The following CLINT1 variants were observed in gnomAD, a reference collection of about 807,000 sequenced individuals.
CLINT1 encodes clathrin interacting protein localized in the trans-Golgi region.
A neutral mutation model predicts 70.4 loss-of-function variants in CLINT1; 15 were observed. The observed-to-expected ratio is 0.21, with a 90% CI of 0.14 to 0.33. The LOEUF (loss-of-function observed/expected upper bound fraction) is 0.33, where lower values mean the gene tolerates loss of function less well. Ranked by LOEUF, CLINT1 falls within the 10% of genes least tolerant of loss-of-function variation. The pLI is 1.00. For synonymous variants in CLINT1, 227 were observed against 254.7 expected (o/e 0.89, Z 1.04); for missense variants, 615 against 778.1 (o/e 0.79, Z 2.49).
chr5:157,809,727 T>C lies in CLINT1; in HGVS notation c.596A>G (p.Asp199Gly). ...TTTATCACTCAGCTCACCTAATTTA[T>C]CACTGAATGGAAAAGCACTCTTGTT... ...DKNKSAFPFS[D>G]KLGELSDKIG... The change falls in exon 6 of 12, where the codon GAT (aspartate) becomes GGT (glycine). Residue 199 changes from aspartate to glycine, a missense_variant. Asp to Gly is a moderately conservative substitution (Grantham distance 94). Coordinates refer to ENST00000411809, the MANE Select transcript of CLINT1 (RefSeq NM_014666.4). 6.2e-7 allele frequency: 1 copy of C among 1,613,648 alleles called. No individual in the cohort carries two copies. Among genetic ancestry groups the C allele is most frequent in the Non-Finnish European group, 8.5e-7 (1 of 1,179,692 alleles).
At chr5:157,848,419 T>TA (rs1349677820) in intron 1 of CLINT1, among the ~76,000 whole-genome samples, 2 of 151,872 alleles carry the variant, frequency 1.3e-5, no homozygotes, top group African/African-American at 4.8e-5. Flanking sequence ...TTTTTTTTTT[T>TA]ATTGAGACGC....
chr5:157,823,706 T>C (rs1044315426), intron 1 of CLINT1: 5 of 628,044 alleles, frequency 8.0e-6, no homozygotes, highest in South Asian at 1.4e-4. Flanking sequence ...TTATTAAGTA[T>C]AAATCTTCTT....
intron 3 of CLINT1, among the ~76,000 whole-genome samples, chr5:157,816,319 T>C (rs1369045079): frequency 1.3e-5 from 2 of 152,214 alleles, no homozygotes; most frequent in South Asian, 2.1e-4. Context: ...ATTAGAATTA[T>C]ATTTTGAACA....
chr5:157,811,529 C>CA lies in CLINT1; in HGVS notation c.517+1533dup, dbSNP rs202176248. 4.3e-3 allele frequency among the ~76,000 whole-genome samples: 409 copies of CA among 94,872 alleles called. 1 individual carries two copies. The highest frequency in any genetic ancestry group is 6.3e-3 in the Middle Eastern group (1 of 158). 62.2% of individuals were successfully genotyped at this position (94,872 alleles called of 152,430 possible). On this transcript the variant is annotated intron_variant, in intron 5 of 11. Coordinates refer to ENST00000411809, the MANE Select transcript of CLINT1 (RefSeq NM_014666.4). Reference sequence around the variant, plus strand: ...GCCTGGATGACAGAGCAAGAATCCTCAAAAAAAAAAAAAAAGAAAAGAAAA... The same window carrying CA: ...GCCTGGATGACAGAGCAAGAATCCTCAAAAAAAAAAAAAAAAGAAAAGAAAA...
At chr5:157,803,128 A>C (rs1360955803) in intron 8 of CLINT1, among the ~76,000 whole-genome samples, 1 of 152,234 alleles carries the variant, frequency 6.6e-6, no homozygotes, top group African/African-American at 2.4e-5. Context: ...AAAGACAGTA[A>C]AATGCGCAGA....
chr5:157,838,267 C>G (rs1484191754), intron 1 of CLINT1, among the ~76,000 whole-genome samples: 1 of 151,928 alleles, frequency 6.6e-6, no homozygotes, highest in Non-Finnish European at 1.5e-5. Flanking sequence ...GGATTGCAGG[C>G]ACCTGCCACC....
chr5:157,837,563 A>G (rs1763467225), intron 1 of CLINT1, among the ~76,000 whole-genome samples: 1 of 152,332 alleles, frequency 6.6e-6, no homozygotes, highest in Non-Finnish European at 1.5e-5. Context: ...TACTCCTTAT[A>G]ATATCTGAAG....
At chr5:157,846,354 T>A (rs1237664262) in intron 1 of CLINT1, among the ~76,000 whole-genome samples, 1 of 151,194 alleles carries the variant, frequency 6.6e-6, no homozygotes. Context: ...AAAGTTTGAG[T>A]GGTTTGAATA....
chr5:157,794,034 A>G (rs1353001171), intron 9 of CLINT1, among the ~76,000 whole-genome samples: 1 of 152,168 alleles, frequency 6.6e-6, no homozygotes, highest in Non-Finnish European at 1.5e-5. Context: ...AGATTTTATA[A>G]AACAAATACC....
chr5:157,820,785 G>C (rs1169047338), intron 1 of CLINT1, among the ~76,000 whole-genome samples: 1 of 152,108 alleles, frequency 6.6e-6, no homozygotes, highest in Non-Finnish European at 1.5e-5. Flanking sequence ...AAAATGGCTA[G>C]TTTAATTCTG....
chr5:157,835,758 T>C (rs1185138965), intron 1 of CLINT1, among the ~76,000 whole-genome samples: 1 of 152,160 alleles, frequency 6.6e-6, no homozygotes, highest in Non-Finnish European at 1.5e-5. Context: ...GGGGCATGAC[T>C]AGAAAGACTT....
intron 5 of CLINT1, among the ~76,000 whole-genome samples, chr5:157,810,422 A>G (rs1762519480): frequency 6.6e-6 from 1 of 152,244 alleles, no homozygotes; most frequent in Non-Finnish European, 1.5e-5. Context: ...ACCAAAAACT[A>G]CACATACTAG....
intron 10 of CLINT1, 88 bp from the exon 11 acceptor site, chr5:157,789,601 A>G: frequency 6.4e-7 from 1 of 1,564,298 alleles, no homozygotes; most frequent in South Asian, 1.1e-5. Flanking sequence ...AAAATTAAGC[A>G]TCTGTTCTAT....
At chr5:157,830,403 C>T (rs550437557) in intron 1 of CLINT1, among the ~76,000 whole-genome samples, 3 of 152,008 alleles carry the variant, frequency 2.0e-5, no homozygotes, top group African/African-American at 4.8e-5. Context: ...AGGTAGCTTT[C>T]GGCCTCTTAT....
chr5:157,801,198 G>T (rs1301307902), intron 8 of CLINT1, among the ~76,000 whole-genome samples: 6 of 152,100 alleles, frequency 3.9e-5, no homozygotes, highest in Non-Finnish European at 1.5e-5. Flanking sequence ...ACGGGAAAGG[G>T]AATTGAAGAA....
intron 1 of CLINT1, among the ~76,000 whole-genome samples, chr5:157,856,107 T>C (rs1753751833): frequency 6.6e-6 from 1 of 152,236 alleles, no homozygotes; most frequent in Non-Finnish European, 1.5e-5. Flanking sequence ...GTCTTATTTA[T>C]TGCATAAAAT....
chr5:157,853,904 C>T (rs1429848703), intron 1 of CLINT1, among the ~76,000 whole-genome samples: 1 of 149,418 alleles, frequency 6.7e-6, no homozygotes, highest in African/African-American at 2.5e-5. Flanking sequence ...ATAGATTAAA[C>T]TACAGAAAAT....
intron 1 of CLINT1, among the ~76,000 whole-genome samples, chr5:157,840,278 T>C (rs939268560): frequency 1.3e-5 from 2 of 148,256 alleles, no homozygotes; most frequent in African/African-American, 4.9e-5. Context: ...AACTGACTTG[T>C]AGTTTCCAAA....
chr5:157,808,094 T>C (rs966379293), intron 6 of CLINT1, among the ~76,000 whole-genome samples: 1 of 152,138 alleles, frequency 6.6e-6, no homozygotes, highest in African/African-American at 2.4e-5. Context: ...CATATGATAA[T>C]TATAAATACT....
Sources: gnomAD v4.1 joint callset for allele counts (sites outside exome capture counted in the v4.1 genomes callset) on GRCh38, gnomAD v4.1.1 for gene constraint, MANE v1.5 for transcripts, NCBI Gene and HGNC (gene_info 2026-07-23, HGNC 2026-07-21) for gene names.